Variants in NFIX observed in about 807,000 individuals in gnomAD.
NFIX encodes nuclear factor 1 X-type.
In NFIX, 2 loss-of-function variants were observed where a neutral mutation model predicts 53.3. The observed-to-expected ratio is 0.04, with a 90% CI of 0.02 to 0.12. NFIX has a LOEUF of 0.12. NFIX is among the 10% of genes least tolerant of loss of function. The probability of loss-of-function intolerance (pLI) is 1.00; values close to 1 mark genes in which losing one functional copy is unlikely to be tolerated. For missense variants in NFIX, 310 were observed against 674.5 expected (o/e 0.46, Z 5.99); for synonymous variants, 244 against 289.0 (o/e 0.84, Z 1.58).
At chr19:13,026,207 G>A (rs1044476320) in intron 2 of NFIX, among the ~76,000 whole-genome samples, 6 of 152,166 alleles carry the variant, frequency 3.9e-5, no homozygotes, top group Middle Eastern at 3.4e-3. Flanking sequence ...GTGAAAACAA[G>A]GACGAGATTC....
Position 13,081,317 on chromosome 19 carries a change from A to G in NFIX, c.1079-363A>G, listed in dbSNP as rs1035995577. On this transcript the variant is annotated intron_variant, in intron 7 of 10. Coordinates refer to ENST00000592199, the MANE Select transcript of NFIX (RefSeq NM_001365902.3). The surrounding 1 kb of genome is among the most constrained non-coding windows in gnomAD (Gnocchi z 4.7). ...AGACCCTGTCTCAAATAATAATAATAACACTTTTTTAAAAAGCCAAATAAA... is the reference window on the plus strand; with the variant it reads ...AGACCCTGTCTCAAATAATAATAATGACACTTTTTTAAAAAGCCAAATAAA... Among the ~76,000 whole-genome samples, 3 of 152,094 alleles carry G rather than the reference A, an allele frequency of 2.0e-5. No homozygotes were observed. The highest frequency in any genetic ancestry group is 2.9e-5 in the Non-Finnish European group (2 of 68,022).
In NFIX at chr19:13,021,504, T is replaced by C. The variant is rs149986736; in HGVS notation, c.28-3517T>C. On this transcript the variant is annotated intron_variant, in intron 1 of 10. Transcript: ENST00000592199. This position sits in a 1 kb window ranked among gnomAD's most constrained non-coding sequence, Gnocchi z 4.2. ...AAGGCCACAAAGCACAGGGTTTCAG[T>C]TGGGGAAGAAAGGGGCACGAGTGAG... Among the ~76,000 whole-genome samples the C allele has an allele frequency of 6.6e-6, 1 of 152,198 alleles. No homozygotes were observed. The highest frequency in any genetic ancestry group is 2.4e-5 in the African/African-American group (1 of 41,514).
rs1211783790 is a variant in NFIX at position 13,095,265 on chromosome 19, C to T, written c.*616C>T. On this transcript the variant is annotated 3_prime_UTR_variant, in exon 11 of 11. Coordinates refer to ENST00000592199, the MANE Select transcript of NFIX (RefSeq NM_001365902.3). The stretch of plus-strand genomic sequence containing the variant: ...CTCCCGACCAGGAGGGGGAGAGCAG[C>T]CTCCACTTACCCCACCCCACCCTTG... 2 of 151,106 alleles carry T rather than the reference C, an allele frequency of 1.3e-5. No individual in the cohort carries two copies. The highest frequency in any genetic ancestry group is 2.9e-5 in the Non-Finnish European group (2 of 67,834). The allele number at this position is 151,106 out of a possible 1,614,324, so 9.4% of individuals were successfully genotyped here.
At chr19:13,007,741 G>A (rs529121190) in intron 1 of NFIX, among the ~76,000 whole-genome samples, 7 of 135,556 alleles carry the variant, frequency 5.2e-5, no homozygotes, top group South Asian at 4.8e-4. Context: ...CGCCTCTCTC[G>A]GCACTAAACA....
chr19:13,041,962 A>G (rs1192150737), intron 2 of NFIX, among the ~76,000 whole-genome samples: 1 of 151,944 alleles, frequency 6.6e-6, no homozygotes, highest in African/African-American at 2.4e-5. Flanking sequence ...CAGTGGCGCA[A>G]TCTCAGGTCG....
chr19:13,057,542 C>T (rs1043468663), intron 2 of NFIX, among the ~76,000 whole-genome samples: 2 of 152,220 alleles, frequency 1.3e-5, no homozygotes, highest in East Asian at 1.9e-4. Flanking sequence ...CCCAGGGCCC[C>T]GGGCCCTCCC....
chr19:13,017,373 C>G (rs2012724616), intron 1 of NFIX, among the ~76,000 whole-genome samples: 3 of 152,208 alleles, frequency 2.0e-5, no homozygotes, highest in Admixed American at 1.3e-4. Context: ...AAAATGACCT[C>G]TTTCTAACTC....
At chr19:13,064,838 AG>A (rs1192741130) in intron 2 of NFIX, among the ~76,000 whole-genome samples, 1 of 152,214 alleles carries the variant, frequency 6.6e-6, no homozygotes, top group Non-Finnish European at 1.5e-5. Flanking sequence ...GAAGGGAAAT[AG>A]TAATCCAGGT....
At chr19:13,083,299 G>A (rs929150311) in intron 8 of NFIX, among the ~76,000 whole-genome samples, 5 of 152,262 alleles carry the variant, frequency 3.3e-5, no homozygotes, top group Non-Finnish European at 7.4e-5. Flanking sequence ...GGGATATGCC[G>A]CAGAGAGGCC....
chr19:13,063,454 G>A (rs989242436), intron 2 of NFIX, among the ~76,000 whole-genome samples: 1 of 151,278 alleles, frequency 6.6e-6, no homozygotes, highest in Non-Finnish European at 1.5e-5. Context: ...CCACTCTTGA[G>A]TATCTTTAGG....
Position 13,049,341 on chromosome 19 carries a change from TCAC to T in NFIX, c.560-23700_560-23698del, listed in dbSNP as rs1318175276. On this transcript the variant is annotated intron_variant, in intron 2 of 10. Transcript: ENST00000592199. This position sits in a 1 kb window ranked among gnomAD's most constrained non-coding sequence, Gnocchi z 4.5. ...GTACCTTCACAATGTTGTGTAACCA[TCAC>T]CACCATCTAATTCCAGAACAATTCC... Among the ~76,000 whole-genome samples the T allele has an allele frequency of 1.3e-5, 2 of 152,212 alleles. No individual in the cohort carries two copies. The highest frequency in any genetic ancestry group is 4.8e-5 in the African/African-American group (2 of 41,454).
Position 13,088,193 on chromosome 19 carries a change from A to C in NFIX, c.1402+57A>C. 1 of 1,525,622 alleles carries C rather than the reference A, an allele frequency of 6.6e-7. No individual in the cohort carries two copies. The highest frequency in any genetic ancestry group is 8.8e-7 in the Non-Finnish European group (1 of 1,139,420). The allele number at this position is 1,525,622 out of a possible 1,614,324, so 94.5% of individuals were successfully genotyped here. A position where few individuals can be genotyped will look rare whatever the true frequency, so the allele number is the denominator to read the frequency against. ...CCCAGCGTCCCCGGCCCGTCCAAAC[A>C]GTCTCCACTGCAAAAAGAAAAGCCT... On this transcript the variant is annotated intron_variant, in intron 9 of 10. Transcript: ENST00000592199. The surrounding 1 kb of genome is among the most constrained non-coding windows in gnomAD (Gnocchi z 5.9).
At chr19:13,034,300 C>T (rs898574520) in intron 2 of NFIX, among the ~76,000 whole-genome samples, 1 of 152,214 alleles carries the variant, frequency 6.6e-6, no homozygotes, top group African/African-American at 2.4e-5. Context: ...GGGCACCTGG[C>T]CCTGTCCTGA....
At chr19:13,071,163 G>C (rs1203631233) in intron 2 of NFIX, 1 of 152,246 alleles carries the variant, frequency 6.6e-6, no homozygotes, top group Non-Finnish European at 1.5e-5. Flanking sequence ...CGTGACCCTC[G>C]CTGAGCTCTG....
intron 1 of NFIX, chr19:13,024,564 T>C: frequency 6.5e-7 from 1 of 1,534,198 alleles, no homozygotes; most frequent in South Asian, 1.2e-5. Context: ...CGCGTGTGCG[T>C]CCACGGGCGT....
At chr19:13,055,766 T>C (rs1335253331) in intron 2 of NFIX, among the ~76,000 whole-genome samples, 1 of 152,102 alleles carries the variant, frequency 6.6e-6, no homozygotes, top group Non-Finnish European at 1.5e-5. Flanking sequence ...CCCCAGCCTC[T>C]CCTCTGGGTC....
At position 12,999,329 on chromosome 19, in the gene NFIX, C is replaced by G. The variant is rs578043908; in HGVS notation, c.27+3465C>G. 1.6e-4 allele frequency among the ~76,000 whole-genome samples: 25 copies of G among 152,080 alleles called. No individual in the cohort carries two copies. In the South Asian group the frequency reaches 5.0e-3, roughly 30 times the overall value. On this transcript the variant is annotated intron_variant, in intron 1 of 10. Transcript: ENST00000592199. The stretch of plus-strand genomic sequence containing the variant: ...CTGGGATTACAGGTGCCCGCCACCA[C>G]GCCCGGGTAATTTCTGTATTTTTTA...
chr19:13,028,577 A>G lies in NFIX; in HGVS notation c.559+3025A>G, dbSNP rs1599744870. Among the ~76,000 whole-genome samples, 1 of 152,326 alleles carries G rather than the reference A, an allele frequency of 6.6e-6. No homozygotes were observed. The highest frequency in any genetic ancestry group is 1.9e-4 in the East Asian group (1 of 5,184). ...CTCCCAGAATACTGGGTCCAAATAC[A>G]GAATACTAGGTCCAAAAGGCTGCCA... On this transcript the variant is annotated intron_variant, in intron 2 of 10. Coordinates refer to ENST00000592199, the MANE Select transcript of NFIX (RefSeq NM_001365902.3). The surrounding 1 kb of genome is among the most constrained non-coding windows in gnomAD (Gnocchi z 4.2).
intron 2 of NFIX, among the ~76,000 whole-genome samples, chr19:13,055,206 G>A (rs1383939131): frequency 3.3e-5 from 5 of 151,728 alleles, no homozygotes; most frequent in South Asian, 2.1e-4. Flanking sequence ...CCATCCAAGC[G>A]CCAGGCACAA....
Sources: allele counts gnomAD v4.1 joint callset (sites outside exome capture counted in the v4.1 genomes callset), GRCh38; gene constraint gnomAD v4.1.1; non-coding constraint Gnocchi (gnomAD v3.1); transcripts MANE v1.5; gene names NCBI Gene and HGNC (gene_info 2026-07-23, HGNC 2026-07-21).